The following CDC42SE2 variants were observed in gnomAD, a reference collection of about 807,000 sequenced individuals.
CDC42SE2 encodes CDC42 small effector 2.
Under a neutral mutation model 11.5 loss-of-function variants are expected in CDC42SE2, and 3 were observed. The ratio of observed to expected loss-of-function variants is 0.26; its 90% CI spans 0.12 to 0.67. The LOEUF is 0.67. Among genes scored for constraint, CDC42SE2 ranks in the 30% least tolerant of loss-of-function variants. The pLI is 0.80. For missense variants in CDC42SE2, 82 were observed against 106.8 expected (o/e 0.77, Z 1.02); for synonymous variants, 33 against 34.8 (o/e 0.95, Z 0.18).
At chr5:131,273,147 A>AT (rs903208528) in intron 1 of CDC42SE2, among the ~76,000 whole-genome samples, 12 of 143,352 alleles carry the variant, frequency 8.4e-5, no homozygotes, top group African/African-American at 1.9e-4. Context: ...TATATTTTAC[A>AT]TTTTTTTATA....
intron 2 of CDC42SE2, among the ~76,000 whole-genome samples, chr5:131,350,156 C>T (rs908382456): frequency 2.0e-5 from 3 of 151,844 alleles, no homozygotes; most frequent in Admixed American, 2.0e-4. Flanking sequence ...ACATTTCCTT[C>T]TATGTAGCAA....
chr5:131,250,346 CAT>C (rs373411766), intron 1 of CDC42SE2, among the ~76,000 whole-genome samples: 44 of 152,168 alleles, frequency 2.9e-4, no homozygotes, highest in African/African-American at 8.9e-4. Flanking sequence ...TATATTGACA[CAT>C]GTTAGTTGAA....
At chr5:131,283,219 G>A (rs931416752) in intron 1 of CDC42SE2, among the ~76,000 whole-genome samples, 6 of 151,998 alleles carry the variant, frequency 3.9e-5, no homozygotes, top group African/African-American at 1.2e-4. Context: ...GAGCCACTGC[G>A]CCTGGCCAAA....
At chr5:131,374,874 C>A (rs1294752578) in intron 3 of CDC42SE2, among the ~76,000 whole-genome samples, 1 of 152,100 alleles carries the variant, frequency 6.6e-6, no homozygotes, top group African/African-American at 2.4e-5. Context: ...CAAGTAATAT[C>A]TTCCTAGGTA....
At chr5:131,287,221 C>T (rs1353401976) in intron 1 of CDC42SE2, among the ~76,000 whole-genome samples, 1 of 152,056 alleles carries the variant, frequency 6.6e-6, no homozygotes. Flanking sequence ...TCTCAAACTC[C>T]TGACCTCAGG....
At chr5:131,258,384 T>C (rs1314494706) in intron 2 of CDC42SE2, among the ~76,000 whole-genome samples, 2 of 152,176 alleles carry the variant, frequency 1.3e-5, no homozygotes, top group Admixed American at 1.3e-4. Flanking sequence ...TTGCCATATA[T>C]AGATGTTAGC....
intron 1 of CDC42SE2, among the ~76,000 whole-genome samples, chr5:131,293,890 C>T (rs1393877401): frequency 2.0e-5 from 3 of 152,122 alleles, no homozygotes; most frequent in African/African-American, 4.8e-5. Flanking sequence ...CATAGAGTGA[C>T]GCAACTTACT....
chr5:131,349,918 T>C (rs1013268207), intron 2 of CDC42SE2, among the ~76,000 whole-genome samples: 4 of 152,324 alleles, frequency 2.6e-5, no homozygotes, highest in African/African-American at 9.6e-5. Flanking sequence ...TGCTTTTTTC[T>C]AAATGTTTAA....
At chr5:131,278,489 CCT>C (rs1011169010) in intron 1 of CDC42SE2, among the ~76,000 whole-genome samples, 50 of 84,572 alleles carry the variant, frequency 5.9e-4, no homozygotes, top group African/African-American at 2.8e-3. Context: ...GCTGATTGTG[CCT>C]CTCTCTCCAG....
intron 1 of CDC42SE2, among the ~76,000 whole-genome samples, chr5:131,270,686 C>T (rs553598187): frequency 6.6e-6 from 1 of 152,280 alleles, no homozygotes; most frequent in South Asian, 2.1e-4. Flanking sequence ...TTTTAAGTCA[C>T]TTTTAGGTAA....
chr5:131,237,514 A>G, the CDC42SE2 span, among the ~76,000 whole-genome samples: 1 of 152,102 alleles, frequency 6.6e-6, no homozygotes, highest in African/African-American at 2.4e-5. Context: ...TTTCTTTTTT[A>G]GGAATTTTGT....
At chr5:131,314,760 G>A (rs1300349523) in intron 1 of CDC42SE2, among the ~76,000 whole-genome samples, 1 of 152,108 alleles carries the variant, frequency 6.6e-6, no homozygotes, top group African/African-American at 2.4e-5. Flanking sequence ...TAATATCAAT[G>A]TCTTGCCAGG....
intron 1 of CDC42SE2, among the ~76,000 whole-genome samples, chr5:131,292,801 C>T (rs1757486071): frequency 1.3e-5 from 2 of 149,006 alleles, no homozygotes; most frequent in South Asian, 4.2e-4. Flanking sequence ...AGTCCCAGCT[C>T]CTTGGGAGCC....
intron 1 of CDC42SE2, among the ~76,000 whole-genome samples, chr5:131,286,738 T>A (rs1017506121): frequency 1.4e-4 from 21 of 152,096 alleles, no homozygotes; most frequent in Admixed American, 4.6e-4. Context: ...GTAATTATAT[T>A]TTCTCTTCTT....
the CDC42SE2 span, among the ~76,000 whole-genome samples, chr5:131,217,219 A>G: frequency 9.9e-5 from 15 of 152,186 alleles, no homozygotes; most frequent in Admixed American, 2.0e-4. Flanking sequence ...TTCTTTGGCT[A>G]CTTTCTTGCT....
chr5:131,308,747 G>T (rs1005451114), intron 1 of CDC42SE2, among the ~76,000 whole-genome samples: 5 of 149,364 alleles, frequency 3.3e-5, no homozygotes, highest in African/African-American at 7.4e-5. Flanking sequence ...CTCTCTGTTT[G>T]TCTGTTGTTG....
chr5:131,221,454 A>T, the CDC42SE2 span, among the ~76,000 whole-genome samples: 1 of 152,128 alleles, frequency 6.6e-6, no homozygotes, highest in Non-Finnish European at 1.5e-5. Flanking sequence ...CCTTCCAGTC[A>T]AATCAAAATT....
At chr5:131,227,628 T>C in the CDC42SE2 span, among the ~76,000 whole-genome samples, 3 of 152,270 alleles carry the variant, frequency 2.0e-5, no homozygotes, top group Non-Finnish European at 4.4e-5. Flanking sequence ...GCAACATTTC[T>C]TACCAAGTAT....
At chr5:131,304,980 T>C (rs1187311578) in intron 1 of CDC42SE2, among the ~76,000 whole-genome samples, 1 of 152,194 alleles carries the variant, frequency 6.6e-6, no homozygotes, top group Non-Finnish European at 1.5e-5. Context: ...ACTGGAAATA[T>C]ACCCCAAAAG....
Sources: allele counts gnomAD v4.1 joint callset (sites outside exome capture counted in the v4.1 genomes callset), GRCh38; gene constraint gnomAD v4.1.1; transcripts MANE v1.5; gene names NCBI Gene and HGNC (gene_info 2026-07-23, HGNC 2026-07-21).